PPP2R2C: variants seen among roughly 807,000 people sequenced by gnomAD.
PPP2R2C encodes protein phosphatase 2, regulatory subunit B, gamma.
Under a neutral mutation model 45.3 loss-of-function variants are expected in PPP2R2C, and 10 were observed. The observed-to-expected ratio is 0.22, with a 90% CI of 0.14 to 0.37. The LOEUF is 0.37. Ranked by LOEUF, PPP2R2C falls within the 10% of genes least tolerant of loss-of-function variation. The pLI is 1.00. For synonymous variants in PPP2R2C, 257 were observed against 245.4 expected, an observed-to-expected ratio of 1.05 and a Z score of -0.44; for missense variants, 308 against 619.7, an observed-to-expected ratio of 0.50 and a Z score of 5.34.
intron 2 of PPP2R2C, among the ~76,000 whole-genome samples, chr4:6,508,878 G>A (rs1186583042): frequency 6.6e-6 from 1 of 152,194 alleles, no homozygotes; most frequent in Admixed American, 6.5e-5. Flanking sequence ...AGGGAAGAGA[G>A]GCACAAAATC....
At chr4:6,455,008 C>G (rs1720941834) in intron 1 of PPP2R2C, among the ~76,000 whole-genome samples, 5 of 151,888 alleles carry the variant, frequency 3.3e-5, no homozygotes, top group Admixed American at 3.3e-4. Flanking sequence ...GCCCCATCTC[C>G]TGTCAGACAC....
At chr4:6,492,724 A>C (rs1722735571) in intron 2 of PPP2R2C, among the ~76,000 whole-genome samples, 1 of 152,198 alleles carries the variant, frequency 6.6e-6, no homozygotes, top group Non-Finnish European at 1.5e-5. Context: ...AGGCTCAGGC[A>C]CTACTTTCAT....
chr4:6,329,197 A>C lies in PPP2R2C; in HGVS notation c.1052+65T>G. 17 of 1,491,594 alleles carry C rather than the reference A, an allele frequency of 1.1e-5. No homozygotes were observed. In the African/African-American group the frequency reaches 2.1e-4, roughly 18 times the overall value. The allele number at this position is 1,491,594 out of a possible 1,614,324, so 92.4% of individuals were successfully genotyped here. A position where few individuals can be genotyped will look rare whatever the true frequency, so the allele number is the denominator to read the frequency against. Reference sequence around the variant, plus strand: ...CTGCGGGTCACCGGAATCCCAGCCCAGACCCCTGCAGGGCAGAAACCCTCC... The same window carrying C: ...CTGCGGGTCACCGGAATCCCAGCCCCGACCCCTGCAGGGCAGAAACCCTCC... On this transcript the variant is annotated intron_variant, in intron 8 of 8. Coordinates refer to ENST00000382599, the MANE Select transcript of PPP2R2C (RefSeq NM_020416.4). This position sits in a 1 kb window ranked among gnomAD's most constrained non-coding sequence, Gnocchi z 5.8.
chr4:6,541,343 T>C (rs979419685), intron 1 of PPP2R2C, among the ~76,000 whole-genome samples: 1 of 152,196 alleles, frequency 6.6e-6, no homozygotes, highest in Non-Finnish European at 1.5e-5. Context: ...ACCTGAGGGT[T>C]GCAGCATTTG....
At chr4:6,561,590 G>C (rs865781084) in intron 1 of PPP2R2C, among the ~76,000 whole-genome samples, 33 of 152,172 alleles carry the variant, frequency 2.2e-4, no homozygotes, top group African/African-American at 7.5e-4. Flanking sequence ...ATTCCAAAAA[G>C]AGCTTAATGG....
intron 5 of PPP2R2C, among the ~76,000 whole-genome samples, chr4:6,367,396 G>A (rs1175122458): frequency 2.0e-5 from 3 of 152,014 alleles, no homozygotes; most frequent in African/African-American, 7.3e-5. Flanking sequence ...GGGGTCAGAA[G>A]GATGCAAACC....
chr4:6,496,592 T>A (rs1332919721), intron 2 of PPP2R2C, among the ~76,000 whole-genome samples: 2 of 152,222 alleles, frequency 1.3e-5, no homozygotes, highest in East Asian at 3.8e-4. Context: ...CTGGACACAG[T>A]GGCTCACGCC....
chr4:6,436,321 C>T (rs1719894162), intron 1 of PPP2R2C, among the ~76,000 whole-genome samples: 1 of 152,216 alleles, frequency 6.6e-6, no homozygotes. Flanking sequence ...GCCATCTGAG[C>T]CCACCACAGA....
At position 6,380,740 on chromosome 4, in the gene PPP2R2C, G is replaced by A. The variant is rs138102001; in HGVS notation, c.168+257C>T. ...CAGTGCACTCCCCCTACCACCGCCC[G>A]CCACTCCCACCTCGGCATTCCAAAG... is the stretch of plus-strand genomic sequence containing the variant. On this transcript the variant is annotated intron_variant, in intron 2 of 8. Coordinates refer to ENST00000382599, the MANE Select transcript of PPP2R2C (RefSeq NM_020416.4). Among the ~76,000 whole-genome samples, 1,141 of 151,966 alleles carry A rather than the reference G, an allele frequency of 7.5e-3. 17 individuals are homozygous for A. Among genetic ancestry groups the A allele is most frequent in the African/African-American group, 0.026 (1,081 of 41,446 alleles).
intron 2 of PPP2R2C, among the ~76,000 whole-genome samples, chr4:6,492,345 C>T (rs1722722225): frequency 6.6e-6 from 1 of 152,210 alleles, no homozygotes; most frequent in South Asian, 2.1e-4. Flanking sequence ...CATGGCCAAC[C>T]CCACAGACAG....
chr4:6,335,697 G>A (rs541843624), intron 6 of PPP2R2C, among the ~76,000 whole-genome samples: 4 of 151,882 alleles, frequency 2.6e-5, no homozygotes, highest in Admixed American at 2.0e-4. Context: ...GAGCCCAGGT[G>A]TCACCATCCT....
chr4:6,521,894 C>T (rs1724038327), intron 2 of PPP2R2C, among the ~76,000 whole-genome samples: 1 of 152,206 alleles, frequency 6.6e-6, no homozygotes, highest in African/African-American at 2.4e-5. Flanking sequence ...AGGCCATCTG[C>T]CTCCAGAGCC....
chr4:6,452,176 T>G (rs1560558085), intron 1 of PPP2R2C, among the ~76,000 whole-genome samples: 2 of 152,064 alleles, frequency 1.3e-5, no homozygotes, highest in Admixed American at 1.3e-4. Context: ...GCCTTCTGCT[T>G]GTCAAATGTT....
In PPP2R2C at chr4:6,388,411, G is replaced by C. The variant is rs977334344; in HGVS notation, c.71-7317C>G. Among the ~76,000 whole-genome samples the C allele has an allele frequency of 2.0e-5, 3 of 152,312 alleles. No individual in the cohort carries two copies. The South Asian group carries it at 6.2e-4, about 32-fold the overall frequency. On this transcript the variant is annotated intron_variant, in intron 1 of 8. Coordinates refer to ENST00000382599, the MANE Select transcript of PPP2R2C (RefSeq NM_020416.4). ...AAAGATGTTAAAATCCTAACCCCTG[G>C]TACCTATGAATGGGAACTTATTTGG...
intron 1 of PPP2R2C, chr4:6,381,412 C>A: frequency 7.0e-7 from 1 of 1,422,762 alleles, no homozygotes; most frequent in Non-Finnish European, 9.3e-7. Flanking sequence ...TCTGAAGCCA[C>A]CTGGATGTGG....
Position 6,324,652 on chromosome 4 carries a change from A to G in PPP2R2C, c.1053-1059T>C, listed in dbSNP as rs1045444596. ...ATGCATCGCCATGAGGGTCGGGGCG[A>G]GCAGTGCTGACGTGCAGGGGCTCGC... On this transcript the variant is annotated intron_variant, in intron 8 of 8. Coordinates refer to ENST00000382599, the MANE Select transcript of PPP2R2C (RefSeq NM_020416.4). The surrounding 1 kb of genome is among the most constrained non-coding windows in gnomAD (Gnocchi z 4.1). 6.6e-6 allele frequency among the ~76,000 whole-genome samples: 1 copy of G among 152,156 alleles called. No homozygotes were observed. Among genetic ancestry groups the G allele is most frequent in the African/African-American group, 2.4e-5 (1 of 41,440 alleles).
At chr4:6,516,446 A>G (rs1473838279) in intron 2 of PPP2R2C, among the ~76,000 whole-genome samples, 2 of 151,982 alleles carry the variant, frequency 1.3e-5, no homozygotes, top group African/African-American at 4.8e-5. Context: ...TGCACCTCAG[A>G]GAGGGCCTGG....
intron 5 of PPP2R2C, chr4:6,348,593 G>A (rs999934377): frequency 4.2e-6 from 4 of 952,786 alleles, no homozygotes; most frequent in Non-Finnish European, 5.0e-6. Flanking sequence ...TGGGTTTCTG[G>A]GTCGGCCCCA....
chr4:6,482,445 G>A (rs992741838), intron 2 of PPP2R2C, among the ~76,000 whole-genome samples: 3 of 152,156 alleles, frequency 2.0e-5, no homozygotes, highest in East Asian at 1.9e-4. Flanking sequence ...TACTACCTCC[G>A]AAAGGGCTGG....
Sources: gnomAD v4.1 joint callset for allele counts (sites outside exome capture counted in the v4.1 genomes callset) on GRCh38, gnomAD v4.1.1 for gene constraint, Gnocchi (gnomAD v3.1) non-coding constraint, MANE v1.5 for transcripts, NCBI Gene and HGNC (gene_info 2026-07-23, HGNC 2026-07-21) for gene names.